SNCAIP: variants seen among roughly 807,000 people sequenced by gnomAD.
SNCAIP encodes the protein synphilin-1.
In SNCAIP, 43 loss-of-function variants were observed where a neutral mutation model predicts 86.7. The observed-to-expected ratio is 0.50, with a 90% CI of 0.39 to 0.64. The LOEUF (loss-of-function observed/expected upper bound fraction) is 0.64. Ranked by LOEUF, SNCAIP falls within the 30% of genes least tolerant of loss-of-function variation. The pLI is 0.00. For synonymous variants in SNCAIP, 417 were observed against 427.2 expected, an observed-to-expected ratio of 0.98 and a Z score of 0.29; for missense variants, 981 against 1,103.1, an observed-to-expected ratio of 0.89 and a Z score of 1.57.
rs751010072 is a variant in SNCAIP at position 122,432,067 on chromosome 5, A to C, written c.1281A>C (p.Ala427=). Residue 427 remains alanine, a synonymous_variant, in exon 6 of 11, where the codon GCA becomes GCC. Transcript: ENST00000261368. The part of the protein sequence containing the change: ...SKDFPSLIHY[A]GCYGQEKILL... ...ATTTTCCAAGCCTTATTCATTACGCAGGTTGCTATGGCCAGGTATGAAGGA... is the reference window on the plus strand; with the variant it reads ...ATTTTCCAAGCCTTATTCATTACGCCGGTTGCTATGGCCAGGTATGAAGGA... 1 of 1,543,240 alleles carries C rather than the reference A, an allele frequency of 6.5e-7. No homozygotes were observed. Among genetic ancestry groups the C allele is most frequent in the East Asian group, 2.2e-5 (1 of 44,520 alleles).
At chr5:122,420,615 C>A (rs1259803258) in intron 3 of SNCAIP, among the ~76,000 whole-genome samples, 2 of 151,656 alleles carry the variant, frequency 1.3e-5, no homozygotes, top group Non-Finnish European at 2.9e-5. Flanking sequence ...TAAAGCCTTG[C>A]CGAAAGTTGA....
intron 1 of SNCAIP, among the ~76,000 whole-genome samples, chr5:122,386,235 C>A (rs1001647497): frequency 2.6e-5 from 4 of 152,148 alleles, no homozygotes; most frequent in African/African-American, 9.7e-5. Flanking sequence ...AAAAATATCA[C>A]CTGAATATCA....
intron 6 of SNCAIP, among the ~76,000 whole-genome samples, chr5:122,433,763 C>T (rs148058972): frequency 2.7e-4 from 41 of 152,286 alleles, no homozygotes; most frequent in Non-Finnish European, 4.6e-4. Flanking sequence ...CTTATGCAGA[C>T]GCTCCCCAAC....
In SNCAIP at chr5:122,450,761, G is replaced by C; in HGVS notation, c.1914G>C (p.Leu638=). 3.1e-6 allele frequency: 5 copies of C among 1,614,044 alleles called. No individual in the cohort carries two copies. The highest frequency in any genetic ancestry group is 1.3e-5 in the African/African-American group (1 of 75,058). Residue 638 remains leucine, a synonymous_variant, in exon 10 of 11, where the codon CTG becomes CTC. Transcript: ENST00000261368. ...ISENVCTQEK[L]SLEFQDAQAS... ...AAAATGTCTGCACCCAGGAAAAACT[G>C]TCCTTGGAATTCCAGGATGCTCAGG...
intron 6 of SNCAIP, 74 bp from the exon 7 acceptor site, chr5:122,440,555 T>C (rs1780644336): frequency 2.1e-6 from 3 of 1,421,886 alleles, no homozygotes; most frequent in Admixed American, 3.3e-5. Context: ...AATTAGGGTA[T>C]TGTTTTCCTC....
At chr5:122,317,828 G>A (rs761648605) in intron 1 of SNCAIP, among the ~76,000 whole-genome samples, 29 of 152,072 alleles carry the variant, frequency 1.9e-4, no homozygotes, top group South Asian at 2.1e-4. Context: ...GAATGATCTC[G>A]ATCTGACCTT....
intron 1 of SNCAIP, among the ~76,000 whole-genome samples, chr5:122,360,661 T>C (rs2152765639): frequency 6.6e-6 from 1 of 152,316 alleles, no homozygotes; most frequent in African/African-American, 2.4e-5. Flanking sequence ...ATGTTAGGCA[T>C]GTGAAAACCA....
intron 8 of SNCAIP, among the ~76,000 whole-genome samples, chr5:122,447,848 T>C (rs1016466463): frequency 6.6e-6 from 1 of 152,184 alleles, no homozygotes; most frequent in African/African-American, 2.4e-5. Context: ...TGGGATACAA[T>C]TGTATGGTTC....
intron 1 of SNCAIP, among the ~76,000 whole-genome samples, chr5:122,315,621 T>C (rs763957231): frequency 6.3e-4 from 96 of 152,234 alleles, no homozygotes; most frequent in Non-Finnish European, 5.0e-4. Context: ...GAGAGCATAT[T>C]GGAGCCTGCT....
At chr5:122,386,799 G>A (rs1477333574) in intron 1 of SNCAIP, among the ~76,000 whole-genome samples, 1 of 149,300 alleles carries the variant, frequency 6.7e-6, no homozygotes, top group Admixed American at 6.7e-5. Flanking sequence ...ACCCTCCCTG[G>A]CATCTCATCT....
At chr5:122,330,246 C>T (rs1037602482) in intron 1 of SNCAIP, among the ~76,000 whole-genome samples, 2 of 150,594 alleles carry the variant, frequency 1.3e-5, no homozygotes, top group African/African-American at 4.9e-5. Context: ...CTCAGCCTCC[C>T]AAGTAGCTGG....
intron 10 of SNCAIP, 50 bp from the exon 11 acceptor site, chr5:122,463,441 C>T (rs753434420): frequency 2.8e-6 from 3 of 1,090,102 alleles, no homozygotes; most frequent in Non-Finnish European, 4.3e-6. Context: ...TGTCTTGTAA[C>T]TTGACCATAG....
chr5:122,345,542 TCA>T (rs1388820847), intron 1 of SNCAIP, among the ~76,000 whole-genome samples: 8 of 152,156 alleles, frequency 5.3e-5, no homozygotes, highest in African/African-American at 1.9e-4. Context: ...TCCCCCAGTC[TCA>T]CAGTGCATCA....
At chr5:122,391,609 A>T (rs1007824289) in intron 2 of SNCAIP, among the ~76,000 whole-genome samples, 1 of 152,232 alleles carries the variant, frequency 6.6e-6, no homozygotes, top group African/African-American at 2.4e-5. Flanking sequence ...TAATTGATGA[A>T]CAATAAAAAG....
intron 1 of SNCAIP, among the ~76,000 whole-genome samples, chr5:122,346,962 G>A (rs1472929067): frequency 1.3e-5 from 2 of 151,938 alleles, no homozygotes; most frequent in African/African-American, 4.8e-5. Context: ...TATAATGAAA[G>A]CAATTGTCAA....
Position 122,423,204 on chromosome 5 carries a change from T to A in SNCAIP, c.467T>A (p.Val156Glu). 1 of 1,614,150 alleles carries A rather than the reference T, an allele frequency of 6.2e-7. No homozygotes were observed. The highest frequency in any genetic ancestry group is 8.5e-7 in the Non-Finnish European group (1 of 1,180,022). Residue 156 changes from valine (V) to glutamate (E), a missense_variant, in exon 4 of 11, where the codon GTG becomes GAG. Val to Glu is a moderately radical substitution (Grantham distance 121). Coordinates refer to ENST00000261368, the MANE Select transcript of SNCAIP (RefSeq NM_005460.4). Reference protein sequence around the residue: ...YDLDMDEILDVPYIKSSQQLA... With the variant: ...YDLDMDEILDEPYIKSSQQLA... ...CTCGACATGGATGAGATTCTGGATG[T>A]GCCTTATATTAAATCCAGTCAGCAG... is the stretch of plus-strand genomic sequence containing the variant.
intron 1 of SNCAIP, among the ~76,000 whole-genome samples, chr5:122,336,321 A>G (rs564255083): frequency 6.6e-6 from 1 of 152,172 alleles, no homozygotes; most frequent in Admixed American, 6.5e-5. Flanking sequence ...CTATTGTCCA[A>G]TTCTGCTAAT....
rs1389691641 is a variant in SNCAIP at position 122,451,394 on chromosome 5, A to G, written c.2547A>G (p.Thr849=). 6.2e-7 allele frequency: 1 copy of G among 1,614,168 alleles called. No individual in the cohort carries two copies. ...GCAGGACTCTCCAGCGGACCTCCAC[A>G]AGTAACGAATCGGGGGATCAACTGA... ...DKGRTLQRTS[T]SNESGDQLKR... is the part of the protein sequence containing the mutation. Residue 849 remains threonine (T), a synonymous_variant, in exon 10 of 11, where the codon ACA becomes ACG. Transcript: ENST00000261368.
chr5:122,345,011 A>T (rs1252845698), intron 1 of SNCAIP, among the ~76,000 whole-genome samples: 1 of 152,204 alleles, frequency 6.6e-6, no homozygotes, highest in Non-Finnish European at 1.5e-5. Flanking sequence ...AAAGATACAC[A>T]TTCTACCAAA....
Sources: gnomAD v4.1 joint callset for allele counts (sites outside exome capture counted in the v4.1 genomes callset) on GRCh38, gnomAD v4.1.1 for gene constraint, MANE v1.5 for transcripts, NCBI Gene and HGNC (gene_info 2026-07-23, HGNC 2026-07-21) for gene names.